The following ARMH3 variants were observed in gnomAD, a reference collection of about 807,000 sequenced individuals.
The protein encoded by ARMH3 is armadillo-like helical domain-containing protein 3.
Under a neutral mutation model 99.1 loss-of-function variants are expected in ARMH3, and 60 were observed. The observed-to-expected ratio is 0.61, with a 90% CI of 0.49 to 0.75. ARMH3 has a LOEUF of 0.75. ARMH3 is among the 30% of genes least tolerant of loss of function. The probability of loss-of-function intolerance (pLI) is 0.00; values close to 1 mark genes in which losing one functional copy is unlikely to be tolerated. For missense variants in ARMH3, 679 were observed against 843.1 expected, an observed-to-expected ratio of 0.81 and a Z score of 2.41; for synonymous variants, 285 against 292.8, an observed-to-expected ratio of 0.97 and a Z score of 0.27.
intron 23 of ARMH3, among the ~76,000 whole-genome samples, chr10:101,894,456 C>A (rs570266562): frequency 2.6e-5 from 4 of 152,310 alleles, no homozygotes; most frequent in South Asian, 4.1e-4. Flanking sequence ...AACTGAATTA[C>A]GTCGCTTCTC....
chr10:101,997,444 T>C (rs1279006852), intron 15 of ARMH3, among the ~76,000 whole-genome samples: 1 of 149,648 alleles, frequency 6.7e-6, no homozygotes, highest in Non-Finnish European at 1.5e-5. Context: ...TACAAAAAAT[T>C]AGCTGGGCAT....
chr10:102,025,627 T>C (rs1240144859), intron 5 of ARMH3, among the ~76,000 whole-genome samples: 1 of 152,034 alleles, frequency 6.6e-6, no homozygotes, highest in Non-Finnish European at 1.5e-5. Context: ...AATAATTGTA[T>C]ATGTTTCTTT....
chr10:101,930,810 A>G (rs1006434870), intron 23 of ARMH3, among the ~76,000 whole-genome samples: 2 of 152,226 alleles, frequency 1.3e-5, no homozygotes, highest in Admixed American at 1.3e-4. Context: ...AGACTTGCAC[A>G]ATCAGGACAA....
chr10:102,041,102 T>TA (rs2067411671), intron 1 of ARMH3, among the ~76,000 whole-genome samples: 1 of 146,508 alleles, frequency 6.8e-6, no homozygotes, highest in African/African-American at 2.5e-5. Flanking sequence ...TATATATATA[T>TA]ATATATATAT....
chr10:101,875,949 C>T (rs2067250732), intron 24 of ARMH3, among the ~76,000 whole-genome samples: 2 of 152,094 alleles, frequency 1.3e-5, no homozygotes, highest in Admixed American at 1.3e-4. Flanking sequence ...ACAAATATCA[C>T]ATTAGAACTT....
At chr10:101,909,463 C>CTTTTTTTTTT (rs61122631) in intron 23 of ARMH3, among the ~76,000 whole-genome samples, 2 of 71,714 alleles carry the variant, frequency 2.8e-5, no homozygotes, top group Non-Finnish European at 4.8e-5. Context: ...CAAGCTTCCT[C>CTTTTTTTTTT]TTTTTTTTTT....
intron 15 of ARMH3, among the ~76,000 whole-genome samples, chr10:102,001,413 CAG>C (rs1225426882): frequency 6.6e-6 from 1 of 152,130 alleles, no homozygotes; most frequent in Non-Finnish European, 1.5e-5. Context: ...AAATCACAAA[CAG>C]AGGAAAAACA....
rs559085682 is a variant in ARMH3, at chr10:101,870,353, T to C, written c.1860+19059A>G. 5.9e-5 allele frequency among the ~76,000 whole-genome samples: 9 copies of C among 152,296 alleles called. No homozygotes were observed. In the South Asian group the frequency reaches 8.3e-4, roughly 14 times the overall value. ...ACTATTCCTAAATCTATTAAAGAAA[T>C]TCAACTAACAATTAAAATGTTTTCC... On this transcript the variant is annotated intron_variant, in intron 24 of 25. Coordinates refer to ENST00000370033, the MANE Select transcript of ARMH3 (RefSeq NM_024541.3).
chr10:101,973,561 CCTGAGT>C (rs1364942893), intron 20 of ARMH3, among the ~76,000 whole-genome samples: 2 of 151,652 alleles, frequency 1.3e-5, no homozygotes, highest in Non-Finnish European at 2.9e-5. Flanking sequence ...AACAGGAAGC[CCTGAGT>C]CTCAGGAGAC....
At chr10:101,935,196 T>C (rs898731209) in intron 23 of ARMH3, among the ~76,000 whole-genome samples, 4 of 147,686 alleles carry the variant, frequency 2.7e-5, no homozygotes, top group South Asian at 2.1e-4. Flanking sequence ...TATATATATA[T>C]ATACATTTTT....
chr10:101,976,270 G>C (rs1000919553), intron 19 of ARMH3, among the ~76,000 whole-genome samples: 1 of 147,732 alleles, frequency 6.8e-6, no homozygotes, highest in Non-Finnish European at 1.5e-5. Flanking sequence ...AACCTAGGAA[G>C]CAAAGGTTGC....
Position 101,956,611 on chromosome 10 carries a change from T to A in ARMH3, c.1691A>T (p.Asn564Ile), listed in dbSNP as rs369660890. The change falls in exon 22 of 26, where the codon AAC becomes ATC. Residue 564 changes from asparagine (N) to isoleucine (I), a missense_variant. By Grantham distance (149) the Asn-to-Ile change is moderately radical. Coordinates refer to ENST00000370033, the MANE Select transcript of ARMH3 (RefSeq NM_024541.3). ...EIIRMHQSFD[N>I]LYSMVLRLST... ...AGGCAGCTTACCCATGGAGTAGAGG[T>A]TGTCAAAGCTCTGGTGCATGCGGAT... 3.1e-6 allele frequency: 5 copies of A among 1,613,228 alleles called. No individual in the cohort carries two copies. Among genetic ancestry groups the A allele is most frequent in the South Asian group, 1.1e-5 (1 of 91,018 alleles).
rs1175582049 is a variant in ARMH3, at chr10:101,847,149, C to A, written c.*379G>T. 5.2e-6 allele frequency: 1 copy of A among 193,074 alleles called. No individual in the cohort carries two copies. The highest frequency in any genetic ancestry group is 1.4e-4 in the East Asian group (1 of 7,162). 12.0% of individuals were successfully genotyped at this position (193,074 alleles called of 1,614,324 possible). A position where few individuals can be genotyped will look rare whatever the true frequency, so the allele number is the denominator to read the frequency against. On this transcript the variant is annotated 3_prime_UTR_variant, in exon 26 of 26. Transcript: ENST00000370033. ...AGTTGATCTGTTTTCAGAAGCCGAG[C>A]AGAGCCACTGACTTTCAGGGTGCTG...
At chr10:101,996,535 C>T (rs528136400) in intron 15 of ARMH3, among the ~76,000 whole-genome samples, 2 of 152,278 alleles carry the variant, frequency 1.3e-5, no homozygotes, top group African/African-American at 4.8e-5. Flanking sequence ...GAGTAATGCC[C>T]TTGCCTCCAG....
chr10:101,893,189 G>A (rs548726166), intron 23 of ARMH3, among the ~76,000 whole-genome samples: 20 of 152,298 alleles, frequency 1.3e-4, no homozygotes, highest in Non-Finnish European at 2.4e-4. Flanking sequence ...CACTCAGGGT[G>A]GAGTCTGAGT....
At chr10:101,919,449 C>G (rs759141525) in intron 23 of ARMH3, among the ~76,000 whole-genome samples, 2 of 152,110 alleles carry the variant, frequency 1.3e-5, no homozygotes. Flanking sequence ...TCTTTGCCAA[C>G]GAAGCTCACA....
intron 1 of ARMH3, among the ~76,000 whole-genome samples, chr10:102,053,745 C>T (rs1035531620): frequency 6.6e-6 from 1 of 151,710 alleles, no homozygotes; most frequent in South Asian, 2.1e-4. Flanking sequence ...CTGCAAGCTC[C>T]GCCTCCTGGG....
rs571298215 is a variant in ARMH3, at chr10:101,998,553, A to G, written c.1151-3198T>C. Among the ~76,000 whole-genome samples, 9 of 152,346 alleles carry G rather than the reference A, an allele frequency of 5.9e-5. No individual in the cohort carries two copies. The South Asian group carries it at 1.7e-3, about 28-fold the overall frequency. Reference sequence around the variant, plus strand: ...GCAGAAATCTCCAAGAGCTAATACAATATGTCTGAGTGTAACATATCTTAG... The same window carrying G: ...GCAGAAATCTCCAAGAGCTAATACAGTATGTCTGAGTGTAACATATCTTAG... On this transcript the variant is annotated intron_variant, in intron 15 of 25. Transcript: ENST00000370033.
intron 1 of ARMH3, among the ~76,000 whole-genome samples, chr10:102,047,132 T>C (rs1450145381): frequency 6.6e-6 from 1 of 152,140 alleles, no homozygotes; most frequent in African/African-American, 2.4e-5. Context: ...GTATCCAACA[T>C]GGTAATTTTT....
Sources: allele counts gnomAD v4.1 joint callset (sites outside exome capture counted in the v4.1 genomes callset), GRCh38; gene constraint gnomAD v4.1.1; transcripts MANE v1.5; gene names NCBI Gene and HGNC (gene_info 2026-07-23, HGNC 2026-07-21).